ANK1: variants seen among roughly 807,000 people sequenced by gnomAD.
ANK1 encodes ankyrin-1.
A neutral mutation model predicts 210.4 loss-of-function variants in ANK1; 51 were observed. The ratio of observed to expected loss-of-function variants is 0.24; its 90% confidence interval spans 0.19 to 0.31. The LOEUF is 0.31. ANK1 is among the 10% of genes least tolerant of loss of function. The pLI, the probability that ANK1 is intolerant of heterozygous loss-of-function variation, is 1.00. For synonymous variants in ANK1, 967 were observed against 1,025.9 expected (o/e 0.94, Z 1.10); for missense variants, 2,051 against 2,504.4 (o/e 0.82, Z 3.86).
At chr8:41,847,557 A>G (rs1182512985) in intron 1 of ANK1, among the ~76,000 whole-genome samples, 1 of 152,202 alleles carries the variant, frequency 6.6e-6, no homozygotes, top group Non-Finnish European at 1.5e-5. Flanking sequence ...CAGGAGCTAT[A>G]TAAGCATCAC....
chr8:41,797,516 C>T lies in ANK1; in HGVS notation c.23G>A (p.Arg8His). The T allele has an allele frequency of 6.2e-7, 1 of 1,613,726 alleles. No homozygotes were observed. Among genetic ancestry groups the T allele is most frequent in the Non-Finnish European group, 8.5e-7 (1 of 1,179,828 alleles). MPYSVGF[R>H]EADAATSFLR... ...GAGCAGCCGCCCAGTACTCACTTCG[C>T]GGAAGCCCACAGAATAGGGCATGCC... is the stretch of plus-strand genomic sequence containing the variant. Residue 8 changes from arginine to histidine, a missense_variant, in exon 1 of 43, where the codon CGC becomes CAC. Physicochemically the swap from Arg to His is conservative, Grantham distance 29. Around this residue, in one of 6 missense-constraint regions of ANK1, gnomAD observed 21 missense variants for 18.7 expected, o/e 1.12. Coordinates refer to ENST00000289734, the MANE Select transcript of ANK1 (RefSeq NM_000037.4). This position sits in a 1 kb window ranked among gnomAD's most constrained non-coding sequence, Gnocchi z 4.0.
chr8:41,685,020 C>T (rs1817324131), intron 36 of ANK1, among the ~76,000 whole-genome samples: 1 of 152,176 alleles, frequency 6.6e-6, no homozygotes, highest in Non-Finnish European at 1.5e-5. Context: ...TGTCCACCTC[C>T]CAGGCTCAAG....
At chr8:41,733,762 T>C (rs890594505) in intron 3 of ANK1, among the ~76,000 whole-genome samples, 2 of 152,150 alleles carry the variant, frequency 1.3e-5, no homozygotes, top group African/African-American at 4.8e-5. Context: ...ATACGTAACC[T>C]AGTGATGAGG....
At chr8:41,696,869 A>T in intron 24 of ANK1, 96 bp from the exon 25 acceptor site, 1 of 1,192,098 alleles carries the variant, frequency 8.4e-7, no homozygotes, top group South Asian at 1.3e-5. Context: ...TTGCCGCTAG[A>T]AACCAGGTGC....
chr8:41,872,170 T>G (rs1815649102), intron 1 of ANK1, among the ~76,000 whole-genome samples: 1 of 152,222 alleles, frequency 6.6e-6, no homozygotes, highest in African/African-American at 2.4e-5. Flanking sequence ...GCAAGATGAC[T>G]TCTCATCTTG....
intron 2 of ANK1, among the ~76,000 whole-genome samples, chr8:41,740,696 C>T (rs915892942): frequency 2.0e-5 from 3 of 152,198 alleles, no homozygotes; most frequent in East Asian, 1.9e-4. Flanking sequence ...AATCACCACC[C>T]CTCAATGTCT....
In ANK1 at chr8:41,661,203, G is replaced by A. The variant is rs1291957844; in HGVS notation, c.*36+227C>T. On this transcript the variant is annotated intron_variant, in intron 42 of 42. Transcript: ENST00000289734. Reference sequence around the variant, plus strand: ...AAAGGCATTCTTACAAAACCGTGCGGTCCCTGATAAGTGGATATTATTAAC... The same window carrying A: ...AAAGGCATTCTTACAAAACCGTGCGATCCCTGATAAGTGGATATTATTAAC... 6 of 615,486 alleles carry A rather than the reference G, an allele frequency of 9.7e-6. No individual in the cohort carries two copies. The East Asian group carries it at 1.6e-4, about 17-fold the overall frequency. The allele number at this position is 615,486 out of a possible 1,614,324, so 38.1% of individuals were successfully genotyped here.
chr8:41,703,994 T>C (rs764459800), intron 20 of ANK1, 47 bp downstream of exon 20: 10 of 1,555,950 alleles, frequency 6.4e-6, no homozygotes, highest in Non-Finnish European at 1.8e-6. Context: ...ACAGGGCTGC[T>C]GCCATGGGGA....
chr8:41,658,494 T>C (rs889729047), intron 42 of ANK1, among the ~76,000 whole-genome samples: 4 of 152,224 alleles, frequency 2.6e-5, no homozygotes, highest in Non-Finnish European at 5.9e-5. Flanking sequence ...CTTAAGGCCA[T>C]ACAACCTGGA....
intron 16 of ANK1, among the ~76,000 whole-genome samples, chr8:41,710,652 C>G (rs1292052465): frequency 6.6e-6 from 1 of 152,268 alleles, no homozygotes; most frequent in African/African-American, 2.4e-5. Flanking sequence ...TGCGCCCACC[C>G]AGGCCCATAG....
rs369756924 is a variant in ANK1, at chr8:41,882,619, G to A, written c.126+13736C>T. ...CCCGAGTCCTTGGAAACTCAGAAAC[G>A]GAAGAAACTGGAACTTACCAAAAAT... On this transcript the variant is annotated intron_variant, in intron 1 of 42. Transcript: ENST00000265709. Among the ~76,000 whole-genome samples, 49 of 152,278 alleles carry A rather than the reference G, an allele frequency of 3.2e-4. No individual in the cohort carries two copies. The South Asian group carries it at 9.3e-3, about 29-fold the overall frequency.
chr8:41,794,913 C>T (rs1848469544), intron 1 of ANK1, among the ~76,000 whole-genome samples: 1 of 152,100 alleles, frequency 6.6e-6, no homozygotes, highest in African/African-American at 2.4e-5. Context: ...ACCATATTGG[C>T]CAGGCTGGCC....
At position 41,724,539 on chromosome 8, in the gene ANK1, G is replaced by C; in HGVS notation, c.628C>G (p.Leu210Val). The change falls in exon 7 of 43, where the codon CTG (leucine) becomes GTG (valine). Residue 210 changes from leucine (L) to valine (V), a missense_variant. Physicochemically the swap from Leu to Val is conservative, Grantham distance 32. Around this residue, in one of 6 missense-constraint regions of ANK1, gnomAD observed 1,413 missense variants for 1,707.4 expected, o/e 0.83. Transcript: ENST00000289734. The stretch of plus-strand genomic sequence containing the variant: ...TTCTCGTAGTGAGCCGCAATGTGCA[G>C]GGGCGTGAATCCCGTCTGGGGCACA... ...DVLSKTGFTP[L>V]HIAAHYENLN... The C allele has an allele frequency of 3.1e-6, 5 of 1,596,886 alleles. No homozygotes were observed. Among genetic ancestry groups the C allele is most frequent in the Non-Finnish European group, 3.4e-6 (4 of 1,171,506 alleles).
At chr8:41,739,086 A>G (rs1339893931) in intron 2 of ANK1, among the ~76,000 whole-genome samples, 1 of 152,146 alleles carries the variant, frequency 6.6e-6, no homozygotes, top group African/African-American at 2.4e-5. Flanking sequence ...TGGAGCTCCA[A>G]TTACATGTGT....
At chr8:41,817,379 A>T (rs1803510835) in intron 1 of ANK1, among the ~76,000 whole-genome samples, 1 of 152,238 alleles carries the variant, frequency 6.6e-6, no homozygotes, top group Admixed American at 6.5e-5. Flanking sequence ...TGAGATGAAC[A>T]GGTGAGGTTT....
At chr8:41,896,263 G>T (rs557731474) in intron 1 of ANK1, 2 of 1,420,068 alleles carry the variant, frequency 1.4e-6, no homozygotes, top group Non-Finnish European at 9.2e-7. Context: ...CGGGCGCCGC[G>T]CCCCACCGCG....
intron 1 of ANK1, among the ~76,000 whole-genome samples, chr8:41,852,033 G>A (rs1002837623): frequency 1.3e-5 from 2 of 152,136 alleles, no homozygotes; most frequent in Admixed American, 1.3e-4. Context: ...TTTTATAACT[G>A]AGGAAACTGA....
At chr8:41,684,864 A>G (rs1265171413) in intron 36 of ANK1, among the ~76,000 whole-genome samples, 174 bp from the exon 37 acceptor site, 1 of 152,188 alleles carries the variant, frequency 6.6e-6, no homozygotes, top group African/African-American at 2.4e-5. Flanking sequence ...AATACTTTTT[A>G]CACTTCAGCA....
At chr8:41,859,952 C>T (rs558811677) in intron 1 of ANK1, among the ~76,000 whole-genome samples, 25 of 151,064 alleles carry the variant, frequency 1.7e-4, no homozygotes, top group Non-Finnish European at 2.9e-4. Flanking sequence ...TTGACCTCTG[C>T]CACCAAGGGC....
Sources: allele counts gnomAD v4.1 joint callset (sites outside exome capture counted in the v4.1 genomes callset), GRCh38; gene constraint gnomAD v4.1.1; regional missense constraint gnomAD v4.1.1; non-coding constraint Gnocchi (gnomAD v3.1); transcripts MANE v1.5; gene names NCBI Gene and HGNC (gene_info 2026-07-23, HGNC 2026-07-21).